The following MAF variants were observed in gnomAD, a reference collection of about 807,000 sequenced individuals.
The protein encoded by MAF is MAF bZIP transcription factor, also known as transcription factor Maf.
Under a neutral mutation model 22.0 loss-of-function variants are expected in MAF, and 10 were observed. That is an observed-to-expected ratio of 0.45 (90% CI 0.28 to 0.77). The LOEUF is 0.77. Among genes scored for constraint, MAF ranks in the 30% least tolerant of loss-of-function variants. The pLI is 0.12. For missense variants in MAF, 544 were observed against 548.4 expected (o/e 0.99, Z 0.08); for synonymous variants, 337 against 255.8 (o/e 1.32, Z -3.03).
chr16:79,288,364 C>T, the MAF span, among the ~76,000 whole-genome samples: 3 of 152,068 alleles, frequency 2.0e-5, no homozygotes, highest in African/African-American at 4.8e-5. Flanking sequence ...CATCCTAAGC[C>T]GGTTACATAA....
chr16:79,429,223 A>G, the MAF span, among the ~76,000 whole-genome samples: 1 of 152,196 alleles, frequency 6.6e-6, no homozygotes, highest in African/African-American at 2.4e-5. Flanking sequence ...AGACTGGCCT[A>G]TCTCTGGGCG....
chr16:79,386,643 T>C, the MAF span, among the ~76,000 whole-genome samples: 1 of 152,102 alleles, frequency 6.6e-6, no homozygotes, highest in Non-Finnish European at 1.5e-5. Context: ...ATTTATAATA[T>C]CTAAGGTATG....
At chr16:79,571,546 T>TC in the MAF span, among the ~76,000 whole-genome samples, 1 of 140,106 alleles carries the variant, frequency 7.1e-6, no homozygotes. Flanking sequence ...TTTTTTTTTT[T>TC]TTTTTTTTAC....
chr16:79,295,397 T>A, the MAF span, among the ~76,000 whole-genome samples: 1 of 152,218 alleles, frequency 6.6e-6, no homozygotes, highest in Non-Finnish European at 1.5e-5. Context: ...GGGAAAGTGA[T>A]GTGCAGAAAA....
chr16:79,246,620 T>C, the MAF span, among the ~76,000 whole-genome samples: 1 of 151,670 alleles, frequency 6.6e-6, no homozygotes, highest in Non-Finnish European at 1.5e-5. Context: ...GTAGAAAACA[T>C]GGAAATGGGA....
chr16:79,214,861 C>T, the MAF span, among the ~76,000 whole-genome samples: 1 of 151,534 alleles, frequency 6.6e-6, no homozygotes, highest in Non-Finnish European at 1.5e-5. Flanking sequence ...CAGGTGCCCA[C>T]AACCACACCT....
chr16:79,373,824 C>T, the MAF span, among the ~76,000 whole-genome samples: 1 of 152,196 alleles, frequency 6.6e-6, no homozygotes, highest in African/African-American at 2.4e-5. Context: ...TTGGACTTCT[C>T]AGCCTTCATA....
the MAF span, among the ~76,000 whole-genome samples, chr16:79,554,118 CAAACAAACAAAA>C: frequency 0.22 from 31,677 of 147,192 alleles, 3,663 homozygotes; most frequent in Non-Finnish European, 0.27. Context: ...AACAAACAAA[CAAACAAACAAAA>C]CCACCAAACC....
At chr16:79,433,342 C>T in the MAF span, among the ~76,000 whole-genome samples, 12 of 150,432 alleles carry the variant, frequency 8.0e-5, no homozygotes, top group East Asian at 2.0e-4. Flanking sequence ...ATTAACGGGA[C>T]GATGGAGTTG....
the MAF span, among the ~76,000 whole-genome samples, chr16:79,530,178 G>C: frequency 6.6e-6 from 1 of 152,106 alleles, no homozygotes; most frequent in Non-Finnish European, 1.5e-5. Context: ...TTTATTTTAA[G>C]GTCCTGTTTA....
chr16:79,507,686 A>C, the MAF span, among the ~76,000 whole-genome samples: 1 of 152,076 alleles, frequency 6.6e-6, no homozygotes, highest in South Asian at 2.1e-4. Flanking sequence ...CGGTCTCCCA[A>C]AGTGCTGGTA....
At chr16:79,328,214 A>G in the MAF span, among the ~76,000 whole-genome samples, 245 of 152,248 alleles carry the variant, frequency 1.6e-3, 3 homozygotes, top group African/African-American at 5.8e-3. Context: ...GCTTATTTTC[A>G]GAGGGCATTG....
the MAF span, among the ~76,000 whole-genome samples, chr16:79,542,214 G>C: frequency 5.9e-5 from 9 of 152,288 alleles, no homozygotes; most frequent in South Asian, 1.9e-3. Flanking sequence ...TGGGAACTTT[G>C]GAAGGAGGAG....
At chr16:79,307,594 A>G in the MAF span, among the ~76,000 whole-genome samples, 205 of 152,324 alleles carry the variant, frequency 1.3e-3, no homozygotes, top group African/African-American at 4.7e-3. Flanking sequence ...GCTACCCTTT[A>G]CTATAAAAAA....
chr16:79,211,272 T>G, the MAF span, among the ~76,000 whole-genome samples: 1 of 152,174 alleles, frequency 6.6e-6, no homozygotes, highest in South Asian at 2.1e-4. Flanking sequence ...AATTTGTTCT[T>G]GCACGTTCAG....
chr16:79,571,252 G>A, the MAF span, among the ~76,000 whole-genome samples: 2 of 152,120 alleles, frequency 1.3e-5, no homozygotes, highest in Admixed American at 1.3e-4. Context: ...GAGGGAGGAA[G>A]GTCTAAGAAC....
chr16:79,285,964 A>G, the MAF span, among the ~76,000 whole-genome samples: 1 of 152,200 alleles, frequency 6.6e-6, no homozygotes, highest in South Asian at 2.1e-4. Context: ...GACTCAGTAC[A>G]GTTTGGGTTC....
the MAF span, among the ~76,000 whole-genome samples, chr16:79,244,128 T>C: frequency 5.9e-5 from 9 of 152,104 alleles, no homozygotes; most frequent in African/African-American, 1.7e-4. Context: ...GGGCAAAAAC[T>C]GGAAGCATGT....
chr16:79,551,472 G>C, the MAF span, among the ~76,000 whole-genome samples: 12 of 152,168 alleles, frequency 7.9e-5, no homozygotes, highest in Non-Finnish European at 1.6e-4. Context: ...TTTTTGATGA[G>C]ATTCCCAAAC....
Sources: allele counts gnomAD v4.1 joint callset (sites outside exome capture counted in the v4.1 genomes callset), GRCh38; gene constraint gnomAD v4.1.1; transcripts MANE v1.5; gene names NCBI Gene and HGNC (gene_info 2026-07-23, HGNC 2026-07-21).